The following ZNF841 variants were observed in gnomAD, a reference collection of about 807,000 sequenced individuals.
ZNF841 encodes TCONS_00006091.
Under a neutral mutation model 13.0 loss-of-function variants are expected in ZNF841, and 11 were observed. That is an observed-to-expected ratio of 0.85 (90% CI 0.53 to 1.40). The LOEUF (loss-of-function observed/expected upper bound fraction) is 1.40. ZNF841 is among the 40% of genes most tolerant of loss of function. ZNF841 has a pLI of 0.00. For missense variants in ZNF841, 1,068 were observed against 1,139.5 expected (o/e 0.94, Z 0.90); for synonymous variants, 369 against 381.6 (o/e 0.97, Z 0.38).
In ZNF841 at chr19:52,065,967, A is replaced by T; in HGVS notation, c.1915T>A (p.Cys639Ser). The change falls in exon 7 of 7, where the codon TGC becomes AGC. Residue 639 changes from cysteine (C) to serine (S), a missense_variant. Cys to Ser is a moderately radical substitution (Grantham distance 112). Transcript: ENST00000594440. ...TGAATTTTCCGATGACGTGCTAGGC[A>T]TGAGTAGTAACTGAAGACCTTGCCG... ...ECGKVFSYYS[C>S]LARHRKIHTG... 1 of 1,614,142 alleles carries T rather than the reference A, an allele frequency of 6.2e-7. No homozygotes were observed. Among genetic ancestry groups the T allele is most frequent in the Non-Finnish European group, 8.5e-7 (1 of 1,179,992 alleles).
chr19:52,059,390 T>TATATATATATATATACAC, the ZNF841 span, among the ~76,000 whole-genome samples: 12 of 96,342 alleles, frequency 1.2e-4, no homozygotes, highest in East Asian at 2.2e-3. Context: ...TATATATATA[T>TATATATATATATATACAC]ACACACACAC....
chr19:52,076,979 A>G lies in ZNF841; in HGVS notation c.121T>C (p.Tyr41His), dbSNP rs1371291101. Reference protein sequence around the residue: ...ALYRDVMLENYRNLGFLGLCL... With the variant: ...ALYRDVMLENHRNLGFLGLCL... The stretch of plus-strand genomic sequence containing the variant: ...TCACCCAGGAAGCCGAGGTTCCTGT[A>G]GTTCTCCAACATCACGTCCCTGTAC... Residue 41 changes from tyrosine (Y) to histidine (H), a missense_variant, in exon 5 of 7, where the codon TAC (tyrosine) becomes CAC (histidine). Physicochemically the swap from Tyr to His is moderately conservative, Grantham distance 83. Coordinates refer to ENST00000594440, the MANE Select transcript of ZNF841 (RefSeq NM_001136499.2). The G allele has an allele frequency of 2.5e-6, 4 of 1,613,200 alleles. No homozygotes were observed. The Admixed American group carries it at 5.0e-5, about 20-fold the overall frequency.
chr19:52,084,278 T>C (rs558883094), intron 4 of ZNF841, among the ~76,000 whole-genome samples: 1 of 152,330 alleles, frequency 6.6e-6, no homozygotes, highest in African/African-American at 2.4e-5. Context: ...TTCCATTCCA[T>C]TCCCGGTCAT....
At chr19:52,079,372 C>T (rs1172608702) in intron 4 of ZNF841, among the ~76,000 whole-genome samples, 1 of 139,138 alleles carries the variant, frequency 7.2e-6, no homozygotes, top group African/African-American at 2.7e-5. Context: ...TGTATTGCAG[C>T]AGTATATGCT....
At chr19:52,082,185 A>C (rs2088122315) in intron 4 of ZNF841, among the ~76,000 whole-genome samples, 1 of 152,156 alleles carries the variant, frequency 6.6e-6, no homozygotes, top group African/African-American at 2.4e-5. Flanking sequence ...TGACTGACAA[A>C]CTCAATTCTT....
At position 52,076,098 on chromosome 19, in the gene ZNF841, C is replaced by G. The variant is rs767270365; in HGVS notation, c.217G>C (p.Val73Leu). The G allele has an allele frequency of 1.9e-6, 3 of 1,554,982 alleles. No individual in the cohort carries two copies. Among genetic ancestry groups the G allele is most frequent in the Admixed American group, 1.9e-5 (1 of 51,336 alleles). ...GKEPWTVVSQ[V>L]KIARNPNCGE... ...CAGTTTGGGTTCCTCGCTATTTTCACTTGGCTCACCACAGTCCAGGGCTCT... is the reference window on the plus strand; with the variant it reads ...CAGTTTGGGTTCCTCGCTATTTTCAGTTGGCTCACCACAGTCCAGGGCTCT... Residue 73 changes from valine to leucine, a missense_variant, in exon 6 of 7, where the codon GTG becomes CTG. By Grantham distance (32) the Val-to-Leu change is conservative. Transcript: ENST00000594440.
intron 4 of ZNF841, among the ~76,000 whole-genome samples, chr19:52,082,476 A>C (rs1449348546): frequency 6.6e-6 from 1 of 152,250 alleles, no homozygotes; most frequent in Non-Finnish European, 1.5e-5. Context: ...AAGAAAATGT[A>C]AGCAAGAAAC....
the ZNF841 span, among the ~76,000 whole-genome samples, chr19:52,059,348 TAAAAAA>T: frequency 6.5e-5 from 3 of 46,030 alleles, no homozygotes; most frequent in African/African-American, 5.1e-4. Flanking sequence ...AGACTCTGTC[TAAAAAA>T]AAAAAAAAAA....
downstream of ZNF841, chr19:52,064,353 C>CAAAAAAA (rs56135758): frequency 5.1e-4 from 18 of 35,454 alleles, 2 homozygotes; most frequent in Non-Finnish European, 8.3e-4. Flanking sequence ...ACTCCGTCTC[C>CAAAAAAA]AAAAAAAAAA....
Position 52,067,295 on chromosome 19 carries a change from T to C in ZNF841, c.587A>G (p.Gln196Arg). The C allele has an allele frequency of 6.4e-7, 1 of 1,551,862 alleles. No homozygotes were observed. Among genetic ancestry groups the C allele is most frequent in the Non-Finnish European group, 8.7e-7 (1 of 1,147,014 alleles). ...LRFQSGLGEL[Q>R]KFQTAEKIYG... is the part of the protein sequence containing the mutation. The stretch of plus-strand genomic sequence containing the variant: ...AATTTTCTCTGCAGTTTGAAATTTC[T>C]GCAATTCACCCAGACCGGACTGAAA... Residue 196 changes from glutamine to arginine, a missense_variant, in exon 7 of 7, where the codon CAG becomes CGG. Physicochemically the swap from Gln to Arg is conservative, Grantham distance 43 (BLOSUM62 1). Coordinates refer to ENST00000594440, the MANE Select transcript of ZNF841 (RefSeq NM_001136499.2).
chr19:52,079,873 C>T (rs770532920), intron 4 of ZNF841, among the ~76,000 whole-genome samples: 2 of 151,906 alleles, frequency 1.3e-5, no homozygotes, highest in African/African-American at 2.4e-5. Flanking sequence ...TGCCTGTAAT[C>T]CCAGCTACTA....
At position 52,075,313 on chromosome 19, in the gene ZNF841, C is replaced by T. The variant is rs190108839; in HGVS notation, c.271+731G>A. Among the ~76,000 whole-genome samples the T allele has an allele frequency of 2.8e-3, 430 of 152,358 alleles. 3 individuals carry two copies. The highest frequency in any genetic ancestry group is 0.014 in the Middle Eastern group (4 of 294). On this transcript the variant is annotated intron_variant, in intron 6 of 6. Transcript: ENST00000594440. The stretch of plus-strand genomic sequence containing the variant: ...TGAGGGATCTTGAAATGAGACAGTG[C>T]TCTGTCCACAGATCCCAAACTAAGA...
At chr19:52,058,838 T>A in the ZNF841 span, 1 of 151,578 alleles carries the variant, frequency 6.6e-6, no homozygotes, top group African/African-American at 2.5e-5. Context: ...ATTTCTATTA[T>A]TTATTTATTT....
In ZNF841 at chr19:52,066,936, G is replaced by T. The variant is rs1269026576; in HGVS notation, c.946C>A (p.Pro316Thr). The T allele has an allele frequency of 1.1e-5, 17 of 1,614,032 alleles. No homozygotes were observed. The highest frequency in any genetic ancestry group is 1.4e-5 in the Non-Finnish European group (17 of 1,180,038). ...VHQIVHTRGKPYQCDVCGRIF... is the reference protein window; with the variant it reads ...VHQIVHTRGKTYQCDVCGRIF... ...CTGCCACATACATCACATTGGTATGGTTTCCCTCTTGTATGGACTATCTGA... is the reference window on the plus strand; with the variant it reads ...CTGCCACATACATCACATTGGTATGTTTTCCCTCTTGTATGGACTATCTGA... Residue 316 changes from proline (P) to threonine (T), a missense_variant, in exon 7 of 7, where the codon CCA (proline) becomes ACA (threonine). Coordinates refer to ENST00000594440, the MANE Select transcript of ZNF841 (RefSeq NM_001136499.2).
Position 52,095,728 on chromosome 19 carries a change from G to T in ZNF841, c.-423C>A, listed in dbSNP as rs1308387824. ...AGGTAGACTGAAACACACTCATAGC[G>T]ACGTGGCCTTTCCCCAGCGCGATCT... is the stretch of plus-strand genomic sequence containing the variant. On this transcript the variant is annotated 5_prime_UTR_variant, in exon 1 of 7. Transcript: ENST00000594440. 6.6e-6 allele frequency: 1 copy of T among 152,302 alleles called. No homozygotes were observed. The highest frequency in any genetic ancestry group is 1.5e-5 in the Non-Finnish European group (1 of 68,136). 9.4% of individuals were successfully genotyped at this position (152,302 alleles called of 1,614,324 possible).
In ZNF841 at chr19:52,076,165, A is replaced by C; in HGVS notation, c.150T>G (p.Cys50Trp). 6.4e-7 allele frequency: 1 copy of C among 1,553,630 alleles called. No individual in the cohort carries two copies. Among genetic ancestry groups the C allele is most frequent in the African/African-American group, 1.4e-5 (1 of 73,162 alleles). The change falls in exon 6 of 7, where the codon TGT becomes TGG. Residue 50 changes from cysteine to tryptophan, a missense_variant. By Grantham distance (215) the Cys-to-Trp change is radical. Coordinates refer to ENST00000594440, the MANE Select transcript of ZNF841 (RefSeq NM_001136499.2). ...TGGAGATAATATTCAGGTCAGGAAG[A>C]CAGAGTCCTGCTTATAAAAAAAGAA... The part of the protein sequence containing the change: ...NYRNLGFLGL[C>W]LPDLNIISML...
At chr19:52,084,740 T>C in intron 4 of ZNF841, 47 bp downstream of exon 4, 1 of 1,605,742 alleles carries the variant, frequency 6.2e-7, no homozygotes, top group Non-Finnish European at 8.5e-7. Context: ...TGCCCTGCAT[T>C]TCAAAAAGGG....
rs1265455278 is a variant in ZNF841 at position 52,066,704 on chromosome 19, G to T, written c.1178C>A (p.Thr393Lys). 2 of 1,611,132 alleles carry T rather than the reference G, an allele frequency of 1.2e-6. No homozygotes were observed. The highest frequency in any genetic ancestry group is 1.7e-6 in the Non-Finnish European group (2 of 1,178,508). ...SQSSSLATHQ[T>K]VHTGDKPYKC... ...GTAGGGTTTGTCTCCAGTATGAACT[G>T]TCTGATGAGTTGCAAGAGAGGAACT... The change falls in exon 7 of 7, where the codon ACA becomes AAA. Residue 393 changes from threonine to lysine, a missense_variant. Physicochemically the swap from Thr to Lys is moderately conservative, Grantham distance 78. Coordinates refer to ENST00000594440, the MANE Select transcript of ZNF841 (RefSeq NM_001136499.2).
chr19:52,076,327 G>A (rs2087899468), intron 5 of ZNF841, 155 bp from the exon 6 acceptor site: 1 of 894,740 alleles, frequency 1.1e-6, no homozygotes, highest in African/African-American at 1.7e-5. Flanking sequence ...AACACTGTAA[G>A]ATGAAGATAT....
Sources: gnomAD v4.1 joint callset for allele counts (sites outside exome capture counted in the v4.1 genomes callset) on GRCh38, gnomAD v4.1.1 for gene constraint, MANE v1.5 for transcripts, NCBI Gene and HGNC (gene_info 2026-07-23, HGNC 2026-07-21) for gene names.